TMEM51: variants seen among roughly 807,000 people sequenced by gnomAD.
TMEM51 encodes transmembrane protein 51.
Under a neutral mutation model 13.6 loss-of-function variants are expected in TMEM51, and 8 were observed. That is an observed-to-expected ratio of 0.59 (90% CI 0.35 to 1.07). TMEM51 has a LOEUF of 1.07. TMEM51 is among the 50% of genes least tolerant of loss of function. The pLI is 0.02. For synonymous variants in TMEM51, 147 were observed against 144.4 expected, an observed-to-expected ratio of 1.02 and a Z score of -0.13; for missense variants, 279 against 330.7, an observed-to-expected ratio of 0.84 and a Z score of 1.21.
intron 1 of TMEM51, among the ~76,000 whole-genome samples, chr1:15,195,696 C>A (rs975266497): frequency 1.3e-5 from 2 of 152,148 alleles, no homozygotes; most frequent in Non-Finnish European, 2.9e-5. Context: ...CCTCACATCA[C>A]CCCCATTCTG....
intron 1 of TMEM51, among the ~76,000 whole-genome samples, chr1:15,158,792 A>C (rs1229312405): frequency 6.6e-6 from 1 of 152,192 alleles, no homozygotes; most frequent in African/African-American, 2.4e-5. Flanking sequence ...TTCTAAGCTC[A>C]TGTTCACAGA....
intron 1 of TMEM51, among the ~76,000 whole-genome samples, chr1:15,197,208 G>C (rs557867676): frequency 4.1e-4 from 63 of 152,296 alleles, no homozygotes; most frequent in African/African-American, 1.4e-3. Flanking sequence ...AATTATCACT[G>C]TGCCCCAGAG....
chr1:15,179,545 G>C (rs1350451972), intron 1 of TMEM51, among the ~76,000 whole-genome samples: 1 of 152,204 alleles, frequency 6.6e-6, no homozygotes, highest in Admixed American at 6.5e-5. Context: ...CACTTTGAGA[G>C]GCCGAGGTGG....
chr1:15,173,289 G>A (rs1460201561), intron 1 of TMEM51, among the ~76,000 whole-genome samples: 4 of 143,066 alleles, frequency 2.8e-5, no homozygotes, highest in African/African-American at 1.0e-4. Context: ...GCGCAATCTC[G>A]GCTCACTACA....
At chr1:15,174,502 A>G (rs1409569101) in intron 1 of TMEM51, among the ~76,000 whole-genome samples, 1 of 152,118 alleles carries the variant, frequency 6.6e-6, no homozygotes, top group East Asian at 1.9e-4. Context: ...TTAGCCTTTC[A>G]AAGTGCTGGG....
intron 1 of TMEM51, among the ~76,000 whole-genome samples, chr1:15,202,746 A>G (rs1339647499): frequency 6.6e-6 from 1 of 152,182 alleles, no homozygotes; most frequent in Non-Finnish European, 1.5e-5. Context: ...ATGTCCAAAA[A>G]GGCACTTTTT....
At chr1:15,206,359 AGGAGGGAGGGTAG>A (rs1358444647) in intron 1 of TMEM51, among the ~76,000 whole-genome samples, 1 of 150,308 alleles carries the variant, frequency 6.7e-6, no homozygotes, top group African/African-American at 2.4e-5. Context: ...GAGGGAAGGA[AGGAGGGAGGGTAG>A]GGAGGGAAAC....
intron 1 of TMEM51, among the ~76,000 whole-genome samples, chr1:15,154,637 G>C (rs1209293836): frequency 6.6e-6 from 1 of 152,144 alleles, no homozygotes; most frequent in Non-Finnish European, 1.5e-5. Flanking sequence ...GTACAAATCA[G>C]ATCTCAAATC....
intron 1 of TMEM51, among the ~76,000 whole-genome samples, chr1:15,200,549 G>A (rs1241871503): frequency 1.3e-5 from 2 of 151,904 alleles, no homozygotes; most frequent in South Asian, 2.1e-4. Context: ...TTGCTCAGAA[G>A]GAACCAACCT....
At chr1:15,210,734 T>A (rs756579890) in intron 2 of TMEM51, among the ~76,000 whole-genome samples, 172 bp downstream of exon 2, 11 of 152,326 alleles carry the variant, frequency 7.2e-5, no homozygotes, top group Non-Finnish European at 1.5e-4. Context: ...GCCTACTGTG[T>A]TTTAGGGACA....
chr1:15,204,838 A>C (rs897149778), intron 1 of TMEM51, among the ~76,000 whole-genome samples: 2 of 151,940 alleles, frequency 1.3e-5, no homozygotes, highest in African/African-American at 4.8e-5. Context: ...TTGGGGGACT[A>C]GAGTACTGGG....
intron 1 of TMEM51, among the ~76,000 whole-genome samples, chr1:15,162,039 A>G (rs1424997992): frequency 2.1e-5 from 3 of 143,554 alleles, no homozygotes; most frequent in Non-Finnish European, 4.6e-5. Context: ...GGTGAGAGAG[A>G]AGAGGAGAGA....
intron 1 of TMEM51, among the ~76,000 whole-genome samples, chr1:15,208,638 G>GAAAT (rs1208125173): frequency 6.6e-6 from 1 of 152,032 alleles, no homozygotes; most frequent in East Asian, 1.9e-4. Flanking sequence ...TTTAAATACA[G>GAAAT]AAATAAATAA....
intron 1 of TMEM51, among the ~76,000 whole-genome samples, chr1:15,183,575 C>T (rs1314118519): frequency 6.6e-6 from 1 of 152,180 alleles, no homozygotes; most frequent in African/African-American, 2.4e-5. Flanking sequence ...AAACTTACTA[C>T]CACATAGTAA....
intron 1 of TMEM51, among the ~76,000 whole-genome samples, chr1:15,204,517 T>G (rs1266935274): frequency 6.6e-6 from 1 of 152,204 alleles, no homozygotes; most frequent in East Asian, 1.9e-4. Flanking sequence ...ATCGCGCCAC[T>G]GCACTCCAGC....
At chr1:15,180,801 C>A (rs79384544) in intron 1 of TMEM51, among the ~76,000 whole-genome samples, 3,838 of 152,264 alleles carry the variant, frequency 0.025, 163 homozygotes, top group African/African-American at 0.087. Flanking sequence ...TATAATAACC[C>A]TATAGGCAAG....
In TMEM51 at chr1:15,207,798, C is replaced by T. The variant is rs1644276827; in HGVS notation, c.-266-2692C>T. On this transcript the variant is annotated intron_variant, in intron 1 of 3. Transcript: ENST00000376008. This position sits in a 1 kb window ranked among gnomAD's most constrained non-coding sequence, Gnocchi z 4.6. Reference sequence around the variant, plus strand: ...GGGAATACTGATACAGTCACTTTCTCAGGTCACAACGGAAATCACATTTAT... The same window carrying T: ...GGGAATACTGATACAGTCACTTTCTTAGGTCACAACGGAAATCACATTTAT... 6.6e-6 allele frequency among the ~76,000 whole-genome samples: 1 copy of T among 152,248 alleles called. No homozygotes were observed. Among genetic ancestry groups the T allele is most frequent in the Non-Finnish European group, 1.5e-5 (1 of 68,046 alleles).
chr1:15,173,214 C>CTTAT, intron 1 of TMEM51, among the ~76,000 whole-genome samples: 1 of 97,034 alleles, frequency 1.0e-5, no homozygotes, highest in Non-Finnish European at 2.0e-5. Flanking sequence ...TGATCATATT[C>CTTAT]TTTTTTTTTT....
intron 1 of TMEM51, among the ~76,000 whole-genome samples, chr1:15,170,798 A>G (rs2872002): frequency 0.96 from 145,884 of 151,892 alleles, 70,093 homozygotes; most frequent in East Asian, 0.99. Context: ...TTGCGATCTC[A>G]GCTCACTGCA....
Sources: gnomAD v4.1 joint callset for allele counts (sites outside exome capture counted in the v4.1 genomes callset) on GRCh38, gnomAD v4.1.1 for gene constraint, Gnocchi (gnomAD v3.1) non-coding constraint, MANE v1.5 for transcripts, NCBI Gene and HGNC (gene_info 2026-07-23, HGNC 2026-07-21) for gene names.